Variants in NIPBL observed in about 807,000 individuals in gnomAD.
The protein encoded by NIPBL is nipped-B-like protein.
NIPBL carries 19 observed loss-of-function variants against 321.8 expected under a neutral mutation model. The observed-to-expected ratio is 0.06, with a 90% CI of 0.04 to 0.09. The LOEUF is 0.09. NIPBL is among the 10% of genes least tolerant of loss of function. The pLI is 1.00. For synonymous variants in NIPBL, 1,106 were observed against 1,114.1 expected (o/e 0.99, Z 0.14); for missense variants, 2,210 against 3,327.0 (o/e 0.66, Z 8.26).
At chr5:36,974,975 AAT>A (rs987621041) in intron 8 of NIPBL, among the ~76,000 whole-genome samples, 1 of 151,990 alleles carries the variant, frequency 6.6e-6, no homozygotes, top group Non-Finnish European at 1.5e-5. Flanking sequence ...TCTGAAGGAG[AAT>A]TTTTGTCTGA....
At chr5:36,921,107 C>T (rs963267636) in intron 1 of NIPBL, among the ~76,000 whole-genome samples, 1 of 151,842 alleles carries the variant, frequency 6.6e-6, no homozygotes, top group African/African-American at 2.4e-5. Flanking sequence ...AAGCGTCTCC[C>T]CATTCCTCCA....
intron 8 of NIPBL, among the ~76,000 whole-genome samples, chr5:36,975,284 A>G (rs1054053947): frequency 1.3e-5 from 2 of 152,092 alleles, no homozygotes; most frequent in African/African-American, 4.8e-5. Flanking sequence ...TTTTGTTATC[A>G]TCCCAGTAGT....
In NIPBL at chr5:37,063,972, T is replaced by C. The variant is rs1197217455; in HGVS notation, c.8043T>C (p.Thr2681=). 1.9e-6 allele frequency: 3 copies of C among 1,614,024 alleles called. No individual in the cohort carries two copies. Among genetic ancestry groups the C allele is most frequent in the Non-Finnish European group, 2.5e-6 (3 of 1,179,998 alleles). ...ATGGGGAGGATAGAGGAGGAGGCAC[T>C]TCAGGGGTGAGGCGGAGGAGGAGTC... is the stretch of plus-strand genomic sequence containing the variant. ...ESDGEDRGGG[T]SGSLRRSKRN... The change falls in exon 46 of 47, where the codon ACT becomes ACC. Residue 2681 remains threonine (T), a synonymous_variant. Coordinates refer to ENST00000282516, the MANE Select transcript of NIPBL (RefSeq NM_133433.4).
chr5:36,966,761 T>A lies in NIPBL; in HGVS notation c.611-4115T>A, dbSNP rs575701419. 5.3e-5 allele frequency among the ~76,000 whole-genome samples: 8 copies of A among 152,194 alleles called. No individual in the cohort carries two copies. In the South Asian group the frequency reaches 1.7e-3, roughly 32 times the overall value. ...TAAGAATGGATTGTTTAATAAATGA[T>A]GTTGGTGATTGTCTAGGTATTTTGC... On this transcript the variant is annotated intron_variant, in intron 6 of 46. Transcript: ENST00000282516.
intron 34 of NIPBL, among the ~76,000 whole-genome samples, chr5:37,041,242 T>C (rs1362421430): frequency 1.3e-5 from 2 of 149,030 alleles, no homozygotes; most frequent in Admixed American, 1.3e-4. Flanking sequence ...TTTTTTGTTG[T>C]TATGTGGTGG....
Position 36,958,136 on chromosome 5 carries a change from C to T in NIPBL, c.263C>T (p.Pro88Leu). The change falls in exon 4 of 47, where the codon CCA (proline) becomes CTA (leucine). Residue 88 changes from proline (P) to leucine (L), a missense_variant. Transcript: ENST00000282516. ...ELKDNLGSDD[P>L]EGDIPVLLQA... The stretch of plus-strand genomic sequence containing the variant: ...AAAGATAACCTTGGCAGTGATGACC[C>T]AGAAGGTGACATACCAGTCTTGTTG... 6.2e-7 allele frequency: 1 copy of T among 1,613,992 alleles called. No individual in the cohort carries two copies.
intron 1 of NIPBL, among the ~76,000 whole-genome samples, chr5:36,909,934 G>GGC (rs1008729171): frequency 5.3e-5 from 8 of 152,058 alleles, no homozygotes; most frequent in African/African-American, 1.7e-4. Flanking sequence ...AAATTAGTTG[G>GGC]GCATGGTGGT....
intron 6 of NIPBL, among the ~76,000 whole-genome samples, chr5:36,965,061 C>T (rs568042095): frequency 6.6e-6 from 1 of 152,192 alleles, no homozygotes; most frequent in Admixed American, 6.5e-5. Context: ...AAAAGGGAAT[C>T]CTCATATACT....
chr5:36,926,947 G>A (rs987766875), intron 1 of NIPBL, among the ~76,000 whole-genome samples: 2 of 152,158 alleles, frequency 1.3e-5, no homozygotes, highest in Non-Finnish European at 1.5e-5. Flanking sequence ...TAGAATCAGA[G>A]CACCTATAAT....
At chr5:36,951,439 TTGTATA>T (rs1414256169) in intron 1 of NIPBL, among the ~76,000 whole-genome samples, 1 of 152,132 alleles carries the variant, frequency 6.6e-6, no homozygotes, top group African/African-American at 2.4e-5. Context: ...CAACAGTGAG[TTGTATA>T]TGAATAACAA....
At chr5:36,995,940 T>A in intron 11 of NIPBL, 136 bp downstream of exon 11, 1 of 709,882 alleles carries the variant, frequency 1.4e-6, no homozygotes, top group Non-Finnish European at 2.3e-6. Context: ...TAAGTTTTTT[T>A]CTCTATACTT....
chr5:37,060,035 GGAAA>G (rs1355074579), intron 44 of NIPBL, among the ~76,000 whole-genome samples: 2 of 152,120 alleles, frequency 1.3e-5, no homozygotes, highest in African/African-American at 4.8e-5. Flanking sequence ...ATGGCCAACT[GGAAA>G]GAGTGTGTTG....
intron 1 of NIPBL, among the ~76,000 whole-genome samples, chr5:36,932,302 A>G (rs1363110906): frequency 6.6e-6 from 1 of 151,980 alleles, no homozygotes; most frequent in Admixed American, 6.6e-5. Context: ...ATCATTGTTA[A>G]TTTTCTCTCT....
chr5:36,957,526 A>G (rs1196030241), intron 3 of NIPBL, among the ~76,000 whole-genome samples: 1 of 152,186 alleles, frequency 6.6e-6, no homozygotes, highest in Non-Finnish European at 1.5e-5. Flanking sequence ...CTATTTTAGA[A>G]CTACTTGGAA....
In NIPBL at chr5:37,026,306, A is replaced by C. The variant is rs1216018476; in HGVS notation, c.5787A>C (p.Lys1929Asn). 6.2e-7 allele frequency: 1 copy of C among 1,607,768 alleles called. No homozygotes were observed. Among genetic ancestry groups the C allele is most frequent in the Non-Finnish European group, 8.5e-7 (1 of 1,174,624 alleles). ...ATGACAAAGAAGCAATGACAAGGAA[A>C]ATTTTAAACATTACCGATGTGGTAA... ...PHNDKEAMTR[K>N]ILNITDVVAA... Residue 1929 changes from lysine to asparagine, a missense_variant, in exon 31 of 47, where the codon AAA becomes AAC. By Grantham distance (94) the Lys-to-Asn change is moderately conservative. Coordinates refer to ENST00000282516, the MANE Select transcript of NIPBL (RefSeq NM_133433.4).
intron 10 of NIPBL, among the ~76,000 whole-genome samples, chr5:36,988,419 T>G (rs1561122273): frequency 6.6e-6 from 1 of 152,278 alleles, no homozygotes; most frequent in East Asian, 1.9e-4. Context: ...CATCAAAAAA[T>G]ACTATGTCAG....
At chr5:36,973,625 G>T (rs997879317) in intron 8 of NIPBL, among the ~76,000 whole-genome samples, 1 of 151,868 alleles carries the variant, frequency 6.6e-6, no homozygotes, top group Non-Finnish European at 1.5e-5. Context: ...ATGCCACCAC[G>T]CCCGGGTGAT....
At chr5:36,886,319 A>G in intron 1 of NIPBL, 2 of 686,950 alleles carry the variant, frequency 2.9e-6, no homozygotes, top group Non-Finnish European at 5.4e-6. Flanking sequence ...ATCAAGGTCA[A>G]GCTGGAGGCT....
Position 36,904,645 on chromosome 5 carries a change from G to C in NIPBL, c.-80+27467G>C, listed in dbSNP as rs137997928. ...GGAGGCTATAGTCTTCCTATAGTTA[G>C]GGTCAGTTGAAGCTGCAGTCATCAC... On this transcript the variant is annotated intron_variant, in intron 1 of 46. Coordinates refer to ENST00000282516, the MANE Select transcript of NIPBL (RefSeq NM_133433.4). 5.0e-3 allele frequency among the ~76,000 whole-genome samples: 767 copies of C among 152,222 alleles called. 5 individuals are homozygous for C. Among genetic ancestry groups the C allele is most frequent in the Admixed American group, 8.0e-3 (123 of 15,296 alleles).
Sources: gnomAD v4.1 joint callset for allele counts (sites outside exome capture counted in the v4.1 genomes callset) on GRCh38, gnomAD v4.1.1 for gene constraint, MANE v1.5 for transcripts, NCBI Gene and HGNC (gene_info 2026-07-23, HGNC 2026-07-21) for gene names.